MMP2: variants seen among roughly 807,000 people sequenced by gnomAD.
MMP2 encodes 72 kDa type IV collagenase.
MMP2 carries 39 observed loss-of-function variants against 74.8 expected under a neutral mutation model. The ratio of observed to expected loss-of-function variants is 0.52; its 90% CI spans 0.40 to 0.68. The LOEUF is 0.68. Among genes scored for constraint, MMP2 ranks in the 30% least tolerant of loss-of-function variants. The probability of loss-of-function intolerance (pLI) is 0.00; values close to 1 mark genes in which losing one functional copy is unlikely to be tolerated. For missense variants in MMP2, 803 were observed against 878.3 expected (o/e 0.91, Z 1.08); for synonymous variants, 367 against 339.8 (o/e 1.08, Z -0.88).
At chr16:55,490,084 C>T (rs1962367178) in intron 7 of MMP2, among the ~76,000 whole-genome samples, 1 of 152,182 alleles carries the variant, frequency 6.6e-6, no homozygotes, top group African/African-American at 2.4e-5. Flanking sequence ...CTACTCACCT[C>T]CTGGGTAAGA....
chr16:55,483,065 A>C lies in MMP2; in HGVS notation c.310A>C (p.Asn104His). 6.2e-7 allele frequency: 1 copy of C among 1,614,156 alleles called. No homozygotes were observed. Among genetic ancestry groups the C allele is most frequent in the Non-Finnish European group, 8.5e-7 (1 of 1,180,026 alleles). Residue 104 changes from asparagine (N) to histidine (H), a missense_variant, in exon 2 of 13, where the codon AAC becomes CAC. Asn to His is a moderately conservative substitution (Grantham distance 68). Around this residue, in one of 3 missense-constraint regions of MMP2, gnomAD observed 223 missense variants for 232.8 expected, o/e 0.96. Transcript: ENST00000219070. ...GACCATGCGGAAGCCACGCTGCGGC[A>C]ACCCAGATGTGGCCAACTACAACTT... ...IETMRKPRCG[N>H]PDVANYNFFP...
At chr16:55,492,106 C>G in intron 8 of MMP2, 150 bp downstream of exon 8, 1 of 728,574 alleles carries the variant, frequency 1.4e-6, no homozygotes, top group Non-Finnish European at 2.3e-6. Context: ...TTGACCTGGT[C>G]TTGGGAAGGC....
At chr16:55,493,418 C>A in intron 9 of MMP2, 125 bp downstream of exon 9, 1 of 1,334,682 alleles carries the variant, frequency 7.5e-7, no homozygotes, top group South Asian at 1.2e-5. Flanking sequence ...CTGAATTAGG[C>A]AGTTTCTGCT....
Position 55,497,062 on chromosome 16 carries a change from G to A in MMP2, c.1609G>A (p.Gly537Arg). The A allele has an allele frequency of 6.2e-7, 1 of 1,614,112 alleles. No homozygotes were observed. The highest frequency in any genetic ancestry group is 8.5e-7 in the Non-Finnish European group (1 of 1,180,036). The change falls in exon 10 of 13, where the codon GGG becomes AGG. Residue 537 changes from glycine to arginine, a missense_variant and splice_region_variant. Gly to Arg is a moderately radical substitution (Grantham distance 125, BLOSUM62 -2). Around this residue, in one of 3 missense-constraint regions of MMP2, gnomAD observed 555 missense variants for 592.0 expected, o/e 0.94. Coordinates refer to ENST00000219070, the MANE Select transcript of MMP2 (RefSeq NM_004530.6). ...PQEEKAVFFA[G>R]NEYWIYSAST... ...GGAGGAGAAGGCTGTGTTCTTTGCA[G>A]GTGTGTGGGAAGCACCCTTCCTTGG... is the stretch of plus-strand genomic sequence containing the variant.
chr16:55,479,173 C>G (rs1284747456), upstream of MMP2: 1 of 212,252 alleles, frequency 4.7e-6, no homozygotes, highest in African/African-American at 2.3e-5. Context: ...CCGGCTACAT[C>G]TGGCGGCTGC....
At chr16:55,498,719 A>G (rs1328358084) in intron 11 of MMP2, among the ~76,000 whole-genome samples, 3 of 152,192 alleles carry the variant, frequency 2.0e-5, no homozygotes, top group Admixed American at 2.0e-4. Context: ...GGACCCTCAC[A>G]TTTTGAAATG....
In MMP2 at chr16:55,505,364, C is replaced by T. The variant is rs753643089; in HGVS notation, c.1905C>T (p.Ala635=). 6.2e-7 allele frequency: 1 copy of T among 1,613,972 alleles called. No individual in the cohort carries two copies. The highest frequency in any genetic ancestry group is 8.5e-7 in the Non-Finnish European group (1 of 1,179,988). ...GTCACAGCTACTTCTTCAAGGGTGC[C>T]TATTACCTGAAGCTGGAGAACCAAA... ...GGGHSYFFKG[A]YYLKLENQSL... The change falls in exon 13 of 13, where the codon GCC becomes GCT. Residue 635 remains alanine (A), a synonymous_variant. Transcript: ENST00000219070.
chr16:55,503,243 C>A (rs565636305), intron 12 of MMP2, among the ~76,000 whole-genome samples: 1 of 152,310 alleles, frequency 6.6e-6, no homozygotes, highest in South Asian at 2.1e-4. Context: ...AGGCCTGTGA[C>A]CACCTCCCAT....
intron 5 of MMP2, 46 bp downstream of exon 5, chr16:55,485,823 A>T (rs201768678): frequency 4.4e-6 from 7 of 1,599,634 alleles, no homozygotes; most frequent in Non-Finnish European, 6.0e-6. Context: ...CCAAGCCTCC[A>T]GCTTCCCGGG....
chr16:55,502,852 G>C lies in MMP2; in HGVS notation c.1843G>C (p.Asp615His). ...CGCAGATGCCTGGAATGCCATCCCC[G>C]ATAACCTGGATGCCGTCGTGGACCT... ...LIADAWNAIPDNLDAVVDLQG... is the reference protein window; with the variant it reads ...LIADAWNAIPHNLDAVVDLQG... The change falls in exon 12 of 13, where the codon GAT becomes CAT. Residue 615 changes from aspartate to histidine, a missense_variant. By Grantham distance (81) the Asp-to-His change is moderately conservative. Coordinates refer to ENST00000219070, the MANE Select transcript of MMP2 (RefSeq NM_004530.6). 6.2e-7 allele frequency: 1 copy of C among 1,614,002 alleles called. No individual in the cohort carries two copies. The highest frequency in any genetic ancestry group is 8.5e-7 in the Non-Finnish European group (1 of 1,180,032).
At chr16:55,486,257 C>T (rs772745402) in intron 5 of MMP2, among the ~76,000 whole-genome samples, 21 of 151,604 alleles carry the variant, frequency 1.4e-4, no homozygotes, top group South Asian at 4.2e-4. Context: ...ACCTGGTTTG[C>T]GTACTCCAAC....
chr16:55,496,823 GA>G (rs1421982677), intron 9 of MMP2, 102 bp from the exon 10 acceptor site: 4 of 1,504,984 alleles, frequency 2.7e-6, no homozygotes, highest in Admixed American at 3.5e-5. Flanking sequence ...TCCCATCATG[GA>G]ATCATCTCTG....
chr16:55,501,138 A>G (rs757585729), intron 11 of MMP2, among the ~76,000 whole-genome samples: 1 of 152,198 alleles, frequency 6.6e-6, no homozygotes, highest in East Asian at 1.9e-4. Flanking sequence ...TATATTTCTC[A>G]GTTGAGGTAG....
intron 11 of MMP2, among the ~76,000 whole-genome samples, chr16:55,502,063 C>A (rs1962679878): frequency 6.6e-6 from 1 of 152,146 alleles, no homozygotes; most frequent in Non-Finnish European, 1.5e-5. Context: ...AAGGCGGGGC[C>A]CAGGATTGCT....
chr16:55,479,477 A>G lies in MMP2; in HGVS notation c.-3A>G, dbSNP rs758535226. 3 of 1,562,102 alleles carry G rather than the reference A, an allele frequency of 1.9e-6. No homozygotes were observed. The highest frequency in any genetic ancestry group is 2.6e-6 in the Non-Finnish European group (3 of 1,154,168). On this transcript the variant is annotated 5_prime_UTR_variant, in exon 1 of 13. Coordinates refer to ENST00000219070, the MANE Select transcript of MMP2 (RefSeq NM_004530.6). Reference sequence around the variant, plus strand: ...GCGACGCGCGGGGCCAGGGAGCGCTACGATGGAGGCGCTAATGGCCCGGGG... The same window carrying G: ...GCGACGCGCGGGGCCAGGGAGCGCTGCGATGGAGGCGCTAATGGCCCGGGG...
rs1962035926 is a variant in MMP2, at chr16:55,479,357, C to G, written c.-123C>G. On this transcript the variant is annotated 5_prime_UTR_variant, in exon 1 of 13. Coordinates refer to ENST00000219070, the MANE Select transcript of MMP2 (RefSeq NM_004530.6). ...CTGAGCCGGGCAAACCCCAGGCCAC[C>G]GAGCCAGCGGACCCTCGGAGCGCAG... is the stretch of plus-strand genomic sequence containing the variant. 1 of 1,199,196 alleles carries G rather than the reference C, an allele frequency of 8.3e-7. No individual in the cohort carries two copies. The highest frequency in any genetic ancestry group is 3.1e-4 in the Middle Eastern group (1 of 3,274). The allele number at this position is 1,199,196 out of a possible 1,614,324, so 74.3% of individuals were successfully genotyped here.
Position 55,489,712 on chromosome 16 carries a change from G to A in MMP2, c.1068G>A (p.Leu356=). 1 of 1,614,020 alleles carries A rather than the reference G, an allele frequency of 6.2e-7. No individual in the cohort carries two copies. Among genetic ancestry groups the A allele is most frequent in the Non-Finnish European group, 8.5e-7 (1 of 1,180,010 alleles). Residue 356 remains leucine (L), a synonymous_variant, in exon 7 of 13, where the codon CTG becomes CTA. Coordinates refer to ENST00000219070, the MANE Select transcript of MMP2 (RefSeq NM_004530.6). ...GAPCVFPFTF[L]GNKYESCTSA... is the part of the protein sequence containing the mutation. ...CCTGTGTCTTCCCCTTCACTTTCCT[G>A]GGCAACAAATATGAGAGCTGCACCA...
chr16:55,505,261 A>C, intron 12 of MMP2, 78 bp from the exon 13 acceptor site: 2 of 1,247,836 alleles, frequency 1.6e-6, no homozygotes, highest in Middle Eastern at 3.7e-4. Context: ...CCAGGCAGAA[A>C]TTCAAAGTTC....
rs1351967941 is a variant in MMP2, at chr16:55,484,071, C to T, written c.436C>T (p.Arg146Cys). 1.2e-5 allele frequency: 19 copies of T among 1,614,050 alleles called. No individual in the cohort carries two copies. The highest frequency in any genetic ancestry group is 4.0e-5 in the African/African-American group (3 of 74,912). ...DPETVDDAFA[R>C]AFQVWSDVTP... ...AGAGACAGTGGATGATGCCTTTGCT[C>T]GTGCCTTCCAAGTCTGGAGCGATGT... Residue 146 changes from arginine to cysteine, a missense_variant, in exon 3 of 13, where the codon CGT becomes TGT. Arg to Cys is a radical substitution (Grantham distance 180). Coordinates refer to ENST00000219070, the MANE Select transcript of MMP2 (RefSeq NM_004530.6).
Sources: allele counts gnomAD v4.1 joint callset (sites outside exome capture counted in the v4.1 genomes callset), GRCh38; gene constraint gnomAD v4.1.1; regional missense constraint gnomAD v4.1.1; transcripts MANE v1.5; gene names NCBI Gene and HGNC (gene_info 2026-07-23, HGNC 2026-07-21).